Variants in TC2N observed in about 807,000 individuals in gnomAD.
TC2N encodes the protein tandem C2 domains nuclear protein.
A neutral mutation model predicts 61.9 loss-of-function variants in TC2N; 51 were observed. The ratio of observed to expected loss-of-function variants is 0.82; its 90% CI spans 0.66 to 1.04. TC2N has a LOEUF of 1.04. Among genes scored for constraint, TC2N ranks in the 50% least tolerant of loss-of-function variants. The probability of loss-of-function intolerance (pLI) is 0.00; values close to 1 mark genes in which losing one functional copy is unlikely to be tolerated. For missense variants in TC2N, 556 were observed against 566.7 expected, an observed-to-expected ratio of 0.98 and a Z score of 0.19; for synonymous variants, 204 against 192.6, an observed-to-expected ratio of 1.06 and a Z score of -0.49.
intron 3 of TC2N, among the ~76,000 whole-genome samples, chr14:91,811,024 C>T (rs1886741548): frequency 6.6e-6 from 1 of 152,090 alleles, no homozygotes; most frequent in South Asian, 2.1e-4. Flanking sequence ...CTGACATATA[C>T]TTTTGTCAAT....
At chr14:91,812,171 A>G in intron 3 of TC2N, 141 bp downstream of exon 3, 1 of 402,848 alleles carries the variant, frequency 2.5e-6, no homozygotes, top group East Asian at 3.8e-5. Context: ...ACTGTACATT[A>G]AGTTCTTCTA....
intron 11 of TC2N, among the ~76,000 whole-genome samples, chr14:91,784,013 T>G (rs1885245097): frequency 6.6e-6 from 1 of 152,058 alleles, no homozygotes; most frequent in Non-Finnish European, 1.5e-5. Context: ...TTAGAGTACT[T>G]TCGTTGATAC....
chr14:91,793,872 A>G (rs1001463154), intron 8 of TC2N, among the ~76,000 whole-genome samples: 2 of 152,200 alleles, frequency 1.3e-5, no homozygotes, highest in African/African-American at 4.8e-5. Flanking sequence ...AAAAGCTAGA[A>G]ATGACTAAGC....
At chr14:91,854,771 A>G (rs538926700) in intron 1 of TC2N, among the ~76,000 whole-genome samples, 4 of 152,218 alleles carry the variant, frequency 2.6e-5, no homozygotes, top group African/African-American at 9.6e-5. Context: ...CACTTCCACA[A>G]TCCATACCCT....
chr14:91,814,101 T>C, intron 1 of TC2N, among the ~76,000 whole-genome samples: 1 of 146,508 alleles, frequency 6.8e-6, no homozygotes, highest in South Asian at 2.2e-4. Context: ...TCACGAAAAA[T>C]AAGATGGAAG....
At chr14:91,845,209 CAG>C (rs1250890654) in intron 1 of TC2N, among the ~76,000 whole-genome samples, 1 of 151,112 alleles carries the variant, frequency 6.6e-6, no homozygotes, top group African/African-American at 2.4e-5. Context: ...GCCTGGGCAG[CAG>C]AGTGAGTGAA....
intron 8 of TC2N, 121 bp downstream of exon 8, chr14:91,797,664 C>A: frequency 1.5e-6 from 1 of 657,858 alleles, no homozygotes. Context: ...AGCAATAATA[C>A]ATAGTTGTAG....
At chr14:91,826,346 A>T (rs542294686) in intron 1 of TC2N, among the ~76,000 whole-genome samples, 226 of 151,882 alleles carry the variant, frequency 1.5e-3, no homozygotes, top group Non-Finnish European at 2.9e-3. Context: ...CAGGAAAAAA[A>T]TATGTATCTC....
At chr14:91,799,208 T>A in intron 5 of TC2N, 144 bp from the exon 6 acceptor site, 1 of 481,368 alleles carries the variant, frequency 2.1e-6, no homozygotes, top group Non-Finnish European at 3.5e-6. Context: ...CACTTACAGG[T>A]AGTGGAAAAA....
chr14:91,812,215 A>C, intron 3 of TC2N, 97 bp downstream of exon 3: 1 of 630,584 alleles, frequency 1.6e-6, no homozygotes, highest in East Asian at 3.3e-5. Context: ...TAAAATAAAA[A>C]AATTTTATAT....
intron 1 of TC2N, among the ~76,000 whole-genome samples, chr14:91,815,739 A>G (rs1886976895): frequency 6.6e-6 from 1 of 151,690 alleles, no homozygotes; most frequent in African/African-American, 2.4e-5. Flanking sequence ...ATAAATTCTA[A>G]TCATATAATT....
chr14:91,813,841 A>G lies in TC2N; in HGVS notation c.-56-16T>C. 7 of 1,051,964 alleles carry G rather than the reference A, an allele frequency of 6.7e-6. No homozygotes were observed. The South Asian group carries it at 9.5e-5, about 14-fold the overall frequency. 65.2% of individuals were successfully genotyped at this position (1,051,964 alleles called of 1,614,324 possible). On this transcript the variant is annotated splice_polypyrimidine_tract_variant and intron_variant, in intron 1 of 11. Transcript: ENST00000435962. ...TAATATTAATCTGTTGGTAGAATAG[A>G]AAACAAGTTAACCTGCTTGTCATGC... is the stretch of plus-strand genomic sequence containing the variant.
At chr14:91,839,874 G>A (rs1014177060) in intron 1 of TC2N, among the ~76,000 whole-genome samples, 7 of 152,208 alleles carry the variant, frequency 4.6e-5, no homozygotes, top group African/African-American at 1.7e-4. Context: ...AAAGTGTCAT[G>A]GATGCTCACC....
chr14:91,788,406 A>G (rs1342677829), intron 9 of TC2N, among the ~76,000 whole-genome samples: 1 of 152,212 alleles, frequency 6.6e-6, no homozygotes, highest in African/African-American at 2.4e-5. Flanking sequence ...GGTTGTCCAA[A>G]CACAAAAACA....
intron 3 of TC2N, among the ~76,000 whole-genome samples, chr14:91,805,176 T>C (rs994540774): frequency 6.6e-6 from 1 of 152,146 alleles, no homozygotes; most frequent in Non-Finnish European, 1.5e-5. Context: ...ATGGCAATGA[T>C]TGTCATCAAG....
chr14:91,812,838 T>G (rs12879258), intron 2 of TC2N, among the ~76,000 whole-genome samples: 5 of 151,640 alleles, frequency 3.3e-5, no homozygotes, highest in Non-Finnish European at 7.4e-5. Context: ...TATTTTGTAG[T>G]CAGTTATATA....
chr14:91,818,313 A>C (rs1217054660), intron 1 of TC2N, among the ~76,000 whole-genome samples: 1 of 152,196 alleles, frequency 6.6e-6, no homozygotes, highest in African/African-American at 2.4e-5. Context: ...CTGCGGGAAA[A>C]AAACACCAGA....
chr14:91,828,797 T>C (rs113823618), intron 1 of TC2N, among the ~76,000 whole-genome samples: 1,636 of 152,166 alleles, frequency 0.011, 31 homozygotes, highest in African/African-American at 0.035. Flanking sequence ...AATACAGATT[T>C]TTAGGTTTGA....
intron 3 of TC2N, among the ~76,000 whole-genome samples, chr14:91,806,650 C>T (rs1262323073): frequency 2.0e-5 from 3 of 151,978 alleles, no homozygotes; most frequent in Non-Finnish European, 4.4e-5. Flanking sequence ...AGCAGCAAAG[C>T]ATTCAAGAGG....
Sources: allele counts gnomAD v4.1 joint callset (sites outside exome capture counted in the v4.1 genomes callset), GRCh38; gene constraint gnomAD v4.1.1; transcripts MANE v1.5; gene names NCBI Gene and HGNC (gene_info 2026-07-23, HGNC 2026-07-21).